VWDE: variants seen among roughly 807,000 people sequenced by gnomAD.
VWDE encodes von Willebrand factor D and EGF domains.
VWDE carries 207 observed loss-of-function variants against 178.4 expected under a neutral mutation model. That is an observed-to-expected ratio of 1.16 (90% confidence interval 1.04 to 1.30). VWDE has a LOEUF of 1.30. Ranked by LOEUF, VWDE falls within the 50% of genes most tolerant of loss-of-function variation. The pLI, the probability that VWDE is intolerant of heterozygous loss-of-function variation, is 0.00. For missense variants in VWDE, 2,287 were observed against 1,901.3 expected (o/e 1.20, Z -3.77); for synonymous variants, 738 against 651.4 (o/e 1.13, Z -2.02).
Position 12,354,520 on chromosome 7 carries a change from T to A in VWDE, c.3745+1591A>T, listed in dbSNP as rs549932975. On this transcript the variant is annotated intron_variant, in intron 18 of 28. Coordinates refer to ENST00000275358, the MANE Select transcript of VWDE (RefSeq NM_001135924.3). ...AAATATAGATCAAGAGCTCAGATTA[T>A]TTAATTTGAAAAACATCGTATGTCC... 196 of 318,888 alleles carry A rather than the reference T, an allele frequency of 6.1e-4. 2 individuals carry two copies. The highest frequency in any genetic ancestry group is 4.2e-3 in the South Asian group (165 of 38,854). The allele number at this position is 318,888 out of a possible 1,614,324, so 19.8% of individuals were successfully genotyped here. A position where few individuals can be genotyped will look rare whatever the true frequency, so the allele number is the denominator to read the frequency against.
At chr7:12,402,781 T>G (rs540004409) in intron 1 of VWDE, among the ~76,000 whole-genome samples, 12 of 152,262 alleles carry the variant, frequency 7.9e-5, no homozygotes, top group African/African-American at 2.2e-4. Context: ...TGTATTCCCC[T>G]TATACAAAGC....
intron 24 of VWDE, among the ~76,000 whole-genome samples, chr7:12,339,971 T>C (rs1781238906): frequency 6.6e-6 from 1 of 152,094 alleles, no homozygotes; most frequent in Non-Finnish European, 1.5e-5. Flanking sequence ...GGACAGTAGA[T>C]TGACCATAAA....
intron 21 of VWDE, among the ~76,000 whole-genome samples, chr7:12,343,932 A>G (rs542681224): frequency 6.6e-6 from 1 of 152,238 alleles, no homozygotes; most frequent in East Asian, 1.9e-4. Flanking sequence ...TTATAACTAA[A>G]CCTCAAATCA....
At chr7:12,358,335 C>A (rs1211956707) in intron 16 of VWDE, among the ~76,000 whole-genome samples, 2 of 149,582 alleles carry the variant, frequency 1.3e-5, no homozygotes, top group African/African-American at 5.0e-5. Context: ...GATCGTGCCA[C>A]TGCGCTCCAG....
chr7:12,402,978 T>C (rs889185348), intron 1 of VWDE, among the ~76,000 whole-genome samples: 2 of 152,146 alleles, frequency 1.3e-5, no homozygotes, highest in Admixed American at 6.5e-5. Flanking sequence ...AATATTCCTA[T>C]CTGTATGAAC....
chr7:12,374,994 G>T lies in VWDE; in HGVS notation c.1242+16C>A, dbSNP rs6945357. 0.25 allele frequency: 386,351 copies of T among 1,544,220 alleles called. 49,445 individuals are homozygous for T. Among genetic ancestry groups the T allele is most frequent in the African/African-American group, 0.32 (23,181 of 72,870 alleles). On this transcript the variant is annotated intron_variant, in intron 8 of 28. Transcript: ENST00000275358. ...TTAAAGCTTCACTTGCAGTATTAGT[G>T]TTGTAATTTGTCAACCTGGATGCTG...
chr7:12,368,071 T>C (rs1782959283), intron 12 of VWDE, among the ~76,000 whole-genome samples: 1 of 151,686 alleles, frequency 6.6e-6, no homozygotes. Context: ...AAAATCTTGA[T>C]GAAAATTTTT....
At chr7:12,345,406 C>T (rs1353056839) in intron 19 of VWDE, among the ~76,000 whole-genome samples, 3 of 152,006 alleles carry the variant, frequency 2.0e-5, no homozygotes, top group Admixed American at 2.0e-4. Context: ...GCAATTGATA[C>T]CATCTCCATA....
intron 6 of VWDE, among the ~76,000 whole-genome samples, 199 bp downstream of exon 6, chr7:12,379,278 C>T (rs933534189): frequency 1.3e-5 from 2 of 152,164 alleles, no homozygotes; most frequent in Non-Finnish European, 2.9e-5. Flanking sequence ...AGGTACATCT[C>T]AACTTTAGTT....
chr7:12,342,679 G>GATT (rs991198808), intron 22 of VWDE, among the ~76,000 whole-genome samples: 16 of 149,560 alleles, frequency 1.1e-4, no homozygotes, highest in Non-Finnish European at 1.5e-4. Context: ...CTATTATTAT[G>GATT]ATTATTATTA....
chr7:12,331,104 C>T lies in VWDE; in HGVS notation c.*79G>A. The T allele has an allele frequency of 3.3e-6, 4 of 1,211,304 alleles. No homozygotes were observed. The highest frequency in any genetic ancestry group is 4.6e-6 in the Non-Finnish European group (4 of 865,660). 75.0% of individuals were successfully genotyped at this position (1,211,304 alleles called of 1,614,324 possible). Reference sequence around the variant, plus strand: ...TTTTGAATGATGTTCAAATAAACTCCAAGTTATCTCCAACTTTTTCTGAAC... The same window carrying T: ...TTTTGAATGATGTTCAAATAAACTCTAAGTTATCTCCAACTTTTTCTGAAC... On this transcript the variant is annotated 3_prime_UTR_variant, in exon 29 of 29. Transcript: ENST00000275358.
rs767101458 is a variant in VWDE at position 12,356,139 on chromosome 7, A to G, written c.3717T>C (p.Tyr1239=). The G allele has an allele frequency of 2.0e-5, 31 of 1,551,498 alleles. No homozygotes were observed. Among genetic ancestry groups the G allele is most frequent in the Non-Finnish European group, 2.7e-5 (31 of 1,146,992 alleles). ...LGSYISGFHS[Y]SCDCPPELKV... is the part of the protein sequence containing the mutation. ...TGAGCTCAGGTGGACAATCACAGGA[A>G]TAACTGTGAAAACCACTAATATAGC... The change falls in exon 18 of 29, where the codon TAT becomes TAC. Residue 1239 remains tyrosine, a synonymous_variant. Coordinates refer to ENST00000275358, the MANE Select transcript of VWDE (RefSeq NM_001135924.3).
rs748812036 is a variant in VWDE at position 12,361,276 on chromosome 7, A to G, written c.3055-25T>C. The stretch of plus-strand genomic sequence containing the variant: ...CCTGTAACATAATAGTTCTATAATA[A>G]GATGATTTGTTCTAAATGTTCTAAA... On this transcript the variant is annotated intron_variant, in intron 14 of 28. Transcript: ENST00000275358. The G allele has an allele frequency of 2.0e-6, 3 of 1,535,746 alleles. No individual in the cohort carries two copies. In the East Asian group the frequency reaches 7.4e-5, roughly 38 times the overall value.
chr7:12,389,352 G>A lies in VWDE; in HGVS notation c.250C>T (p.His84Tyr). 6.5e-7 allele frequency: 1 copy of A among 1,537,610 alleles called. No homozygotes were observed. The change falls in exon 3 of 29, where the codon CAT becomes TAT. Residue 84 changes from histidine to tyrosine, a missense_variant. His to Tyr is a moderately conservative substitution (Grantham distance 83). Transcript: ENST00000275358. The part of the protein sequence containing the change: ...EMPTKCVEMN[H>Y]CGTQAPIWLS... ...CAGATGGGGGCCTGAGTTCCACAAT[G>A]GTTCATCTTTTGCAGGAGAGAAAAC...
Position 12,356,175 on chromosome 7 carries a change from A to G in VWDE, c.3681T>C (p.Cys1227=). The G allele has an allele frequency of 1.9e-6, 3 of 1,551,560 alleles. No homozygotes were observed. Among genetic ancestry groups the G allele is most frequent in the Non-Finnish European group, 2.6e-6 (3 of 1,146,962 alleles). The change falls in exon 18 of 29, where the codon TGT becomes TGC. Residue 1227 remains cysteine (C), a synonymous_variant. Coordinates refer to ENST00000275358, the MANE Select transcript of VWDE (RefSeq NM_001135924.3). ...AACCACTAATATAGCTGCCAAGACC[A>G]CAAGGGTTGGATTGGCACCCACTAA... The part of the protein sequence containing the change: ...VDISGCQSNP[C]GLGSYISGFH...
chr7:12,359,786 C>T, intron 15 of VWDE, 94 bp from the exon 16 acceptor site: 1 of 692,732 alleles, frequency 1.4e-6, no homozygotes, highest in South Asian at 2.1e-5. Flanking sequence ...ATTGATGATT[C>T]CAACGAAAGC....
In VWDE at chr7:12,373,050, T is replaced by C; in HGVS notation, c.1514A>G (p.Tyr505Cys). The change falls in exon 10 of 29, where the codon TAT becomes TGT. Residue 505 changes from tyrosine (Y) to cysteine (C), a missense_variant. Physicochemically the swap from Tyr to Cys is radical, Grantham distance 194. Coordinates refer to ENST00000275358, the MANE Select transcript of VWDE (RefSeq NM_001135924.3). ...CNGQLRESQP[Y>C]LFIKSQDVTR... ...TACATCTTGGCTTTTTATGAACAAA[T>C]ATGGTTGTGATTCACGTAGCTGACC... is the stretch of plus-strand genomic sequence containing the variant. The C allele has an allele frequency of 6.4e-7, 1 of 1,551,258 alleles. No individual in the cohort carries two copies. The highest frequency in any genetic ancestry group is 8.7e-7 in the Non-Finnish European group (1 of 1,146,726).
At chr7:12,375,309 A>T in intron 7 of VWDE, 82 bp from the exon 8 acceptor site, 1 of 1,032,156 alleles carries the variant, frequency 9.7e-7, no homozygotes, top group Non-Finnish European at 1.4e-6. Context: ...AACATGAAAC[A>T]CTGAATTGTA....
chr7:12,331,188 G>T lies in VWDE; in HGVS notation c.4768C>A (p.His1590Asn), dbSNP rs1325485654. ...ATTCATATACTTGATGCTACTCAAT[G>T]GCGTCTTATCTGTAGTAGGAAGAAG... is the stretch of plus-strand genomic sequence containing the variant. ...KCEKKIQIRR[H>N] The change falls in exon 29 of 29, where the codon CAT becomes AAT. Residue 1590 changes from histidine to asparagine, a missense_variant. Physicochemically the swap from His to Asn is moderately conservative, Grantham distance 68. Transcript: ENST00000275358. The T allele has an allele frequency of 1.3e-6, 2 of 1,540,852 alleles. No individual in the cohort carries two copies. Among genetic ancestry groups the T allele is most frequent in the East Asian group, 2.5e-5 (1 of 40,712 alleles).
Sources: allele counts gnomAD v4.1 joint callset (sites outside exome capture counted in the v4.1 genomes callset), GRCh38; gene constraint gnomAD v4.1.1; transcripts MANE v1.5; gene names NCBI Gene and HGNC (gene_info 2026-07-23, HGNC 2026-07-21).